Variants in FOXN3 observed in about 807,000 individuals in gnomAD.
The protein encoded by FOXN3 is forkhead box protein N3.
In FOXN3, 7 loss-of-function variants were observed where a neutral mutation model predicts 38.4. The ratio of observed to expected loss-of-function variants is 0.18; its 90% CI spans 0.10 to 0.34. The LOEUF is 0.34. FOXN3 is among the 10% of genes least tolerant of loss of function. FOXN3 has a pLI of 1.00. For missense variants in FOXN3, 456 were observed against 613.4 expected (o/e 0.74, Z 2.71); for synonymous variants, 230 against 242.2 (o/e 0.95, Z 0.47).
chr14:89,537,949 A>G (rs1042379296), intron 1 of FOXN3, among the ~76,000 whole-genome samples: 1 of 152,234 alleles, frequency 6.6e-6, no homozygotes, highest in African/African-American at 2.4e-5. Context: ...ATATAATTAG[A>G]TAACAATAAT....
intron 4 of FOXN3, among the ~76,000 whole-genome samples, chr14:89,196,914 G>A (rs1888113421): frequency 6.6e-6 from 1 of 152,216 alleles, no homozygotes; most frequent in Non-Finnish European, 1.5e-5. Flanking sequence ...TATACCTGCT[G>A]CAAAAATGTA....
At chr14:89,313,644 T>TA (rs1887637458) in intron 3 of FOXN3, among the ~76,000 whole-genome samples, 1 of 150,388 alleles carries the variant, frequency 6.6e-6, no homozygotes, top group Non-Finnish European at 1.5e-5. Context: ...CAGGCACAAG[T>TA]AAAGTTTGTG....
At chr14:89,457,730 G>T (rs1419458186) in intron 1 of FOXN3, among the ~76,000 whole-genome samples, 1 of 152,094 alleles carries the variant, frequency 6.6e-6, no homozygotes, top group Non-Finnish European at 1.5e-5. Context: ...AGTGAGCATG[G>T]AGCCGGGCGC....
At chr14:89,534,100 C>CTTTTTTTT (rs79800046) in intron 1 of FOXN3, among the ~76,000 whole-genome samples, 2 of 113,820 alleles carry the variant, frequency 1.8e-5, no homozygotes, top group African/African-American at 3.7e-5. Flanking sequence ...ATTATACATT[C>CTTTTTTTT]TTTTTTTTTT....
Position 89,436,412 on chromosome 14 carries a change from C to A in FOXN3, c.-14-23922G>T, listed in dbSNP as rs181289456. Among the ~76,000 whole-genome samples, 611 of 151,410 alleles carry A rather than the reference C, an allele frequency of 4.0e-3. 3 individuals are homozygous for A. The highest frequency in any genetic ancestry group is 0.014 in the African/African-American group (580 of 41,220). The stretch of plus-strand genomic sequence containing the variant: ...AATGAAGCAACTGTGACCTAGAAAA[C>A]AAAGTGACGTAGGGTCACATGTTAG... On this transcript the variant is annotated intron_variant, in intron 1 of 6. Transcript: ENST00000345097.
chr14:89,393,923 T>C (rs756394117), intron 2 of FOXN3, among the ~76,000 whole-genome samples: 1 of 152,128 alleles, frequency 6.6e-6, no homozygotes, highest in Non-Finnish European at 1.5e-5. Context: ...GAGTTGTGGA[T>C]AATTTATAAA....
intron 2 of FOXN3, among the ~76,000 whole-genome samples, chr14:89,351,772 C>T (rs1438924341): frequency 6.6e-6 from 1 of 152,196 alleles, no homozygotes. Context: ...CCACCTCCTG[C>T]TTTCAGCCAA....
At chr14:89,591,919 AC>A (rs2139927039) in intron 1 of FOXN3, among the ~76,000 whole-genome samples, 1 of 152,332 alleles carries the variant, frequency 6.6e-6, no homozygotes, top group South Asian at 2.1e-4. Flanking sequence ...AGAGAAAAAA[AC>A]ATTAAAAGTG....
chr14:89,529,930 G>A (rs1342458255), intron 1 of FOXN3, among the ~76,000 whole-genome samples: 1 of 146,452 alleles, frequency 6.8e-6, no homozygotes, highest in African/African-American at 2.6e-5. Context: ...AGACATATCT[G>A]AGACTGTGTA....
At chr14:89,355,977 T>C (rs1354216452) in intron 2 of FOXN3, among the ~76,000 whole-genome samples, 1 of 151,948 alleles carries the variant, frequency 6.6e-6, no homozygotes, top group Non-Finnish European at 1.5e-5. Flanking sequence ...CCCAGGCCTG[T>C]TCTGCCCTGG....
chr14:89,317,713 C>CCA (rs1018940394), intron 3 of FOXN3, among the ~76,000 whole-genome samples: 2 of 151,978 alleles, frequency 1.3e-5, no homozygotes, highest in African/African-American at 4.8e-5. Context: ...TTTCCCCCCC[C>CCA]ATAGAAATCC....
intron 1 of FOXN3, among the ~76,000 whole-genome samples, chr14:89,511,247 TTTTCTTTCTTTCTTTCTTTC>T (rs869191500): frequency 0.011 from 119 of 11,292 alleles, 14 homozygotes; most frequent in Admixed American, 0.018. Flanking sequence ...CTTTTCTTTC[TTTTCTTTCTTTCTTTCTTTC>T]TTTCTTTCTT....
intron 1 of FOXN3, among the ~76,000 whole-genome samples, chr14:89,441,381 T>C (rs2139696293): frequency 6.6e-6 from 1 of 152,330 alleles, no homozygotes; most frequent in Middle Eastern, 3.4e-3. Flanking sequence ...TTTCATACCA[T>C]TCACCTTACG....
chr14:89,488,127 G>C (rs911440180), intron 1 of FOXN3, among the ~76,000 whole-genome samples: 1 of 148,994 alleles, frequency 6.7e-6, no homozygotes, highest in Non-Finnish European at 1.5e-5. Context: ...CTATTGCCCA[G>C]ACTAGAGTGC....
In FOXN3 at chr14:89,358,123, G is replaced by A. The variant is rs918635249; in HGVS notation, c.544-7315C>T. ...AAAGTACATTCTATAGTCTCTGTAGGTCACATGGTCTCTGTTGCAACAACC... is the reference window on the plus strand; with the variant it reads ...AAAGTACATTCTATAGTCTCTGTAGATCACATGGTCTCTGTTGCAACAACC... On this transcript the variant is annotated intron_variant, in intron 2 of 5. Coordinates refer to ENST00000557258, the MANE Select transcript of FOXN3 (RefSeq NM_005197.4). Among the ~76,000 whole-genome samples, 3 of 152,196 alleles carry A rather than the reference G, an allele frequency of 2.0e-5. No individual in the cohort carries two copies. The South Asian group carries it at 6.2e-4, about 32-fold the overall frequency.
In FOXN3 at chr14:89,385,499, T is replaced by TAAAAAA. The variant is rs10681650; in HGVS notation, c.543+26429_543+26434dup. 1.2e-4 allele frequency among the ~76,000 whole-genome samples: 13 copies of TAAAAAA among 108,812 alleles called. 1 individual carries two copies. The highest frequency in any genetic ancestry group is 5.6e-4 in the East Asian group (2 of 3,542). 71.4% of individuals were successfully genotyped at this position (108,812 alleles called of 152,430 possible). A position where few individuals can be genotyped will look rare whatever the true frequency, so the allele number is the denominator to read the frequency against. ...AATAACAAAAGCTGAGGCAAACATT[T>TAAAAAA]AAAAAAAAAAAAAAAAAAAAAAGGA... On this transcript the variant is annotated intron_variant, in intron 2 of 5. Coordinates refer to ENST00000557258, the MANE Select transcript of FOXN3 (RefSeq NM_005197.4).
At chr14:89,200,569 T>C (rs1888211127) in intron 4 of FOXN3, among the ~76,000 whole-genome samples, 1 of 152,052 alleles carries the variant, frequency 6.6e-6, no homozygotes, top group African/African-American at 2.4e-5. Flanking sequence ...ATGAAAGGAG[T>C]ACCTTGATAC....
chr14:89,448,918 T>A (rs886252223), intron 1 of FOXN3, among the ~76,000 whole-genome samples: 7 of 150,644 alleles, frequency 4.6e-5, no homozygotes, highest in Non-Finnish European at 1.0e-4. Flanking sequence ...CACTCCAGCC[T>A]GGGCAACAGA....
chr14:89,324,200 T>A (rs906508014), intron 3 of FOXN3, among the ~76,000 whole-genome samples: 1 of 152,242 alleles, frequency 6.6e-6, no homozygotes, highest in East Asian at 1.9e-4. Context: ...CTAAAGTGAT[T>A]TCTCCAATGG....
Sources: allele counts gnomAD v4.1 joint callset (sites outside exome capture counted in the v4.1 genomes callset), GRCh38; gene constraint gnomAD v4.1.1; transcripts MANE v1.5; gene names NCBI Gene and HGNC (gene_info 2026-07-23, HGNC 2026-07-21).